Variants in RB1 observed in about 807,000 individuals in gnomAD.
The protein encoded by RB1 is retinoblastoma-associated protein.
RB1 carries 18 observed loss-of-function variants against 135.4 expected under a neutral mutation model. That is an observed-to-expected ratio of 0.13 (90% confidence interval 0.09 to 0.20). The LOEUF (loss-of-function observed/expected upper bound fraction) is 0.20, where lower values mean the gene tolerates loss of function less well. RB1 is among the 10% of genes least tolerant of loss of function. RB1 has a pLI of 1.00. For synonymous variants in RB1, 365 were observed against 373.2 expected (o/e 0.98, Z 0.25); for missense variants, 868 against 1,110.0 (o/e 0.78, Z 3.10).
intron 17 of RB1, among the ~76,000 whole-genome samples, chr13:48,403,926 G>T (rs1270761662): frequency 2.0e-5 from 3 of 152,104 alleles, no homozygotes. Context: ...GCTTGAGCCT[G>T]GGAAGTTGAG....
chr13:48,325,717 ATAAT>A (rs1952282120), intron 2 of RB1, among the ~76,000 whole-genome samples: 2 of 151,736 alleles, frequency 1.3e-5, no homozygotes, highest in Admixed American at 6.6e-5. Flanking sequence ...TGGGTATATC[ATAAT>A]TTATTTATGA....
At chr13:48,344,829 G>A (rs563582583) in intron 3 of RB1, among the ~76,000 whole-genome samples, 1 of 152,068 alleles carries the variant, frequency 6.6e-6, no homozygotes, top group Non-Finnish European at 1.5e-5. Context: ...ATAAATATAC[G>A]CATATCTCTT....
chr13:48,403,960 T>A (rs1948716225), intron 17 of RB1, among the ~76,000 whole-genome samples: 1 of 152,104 alleles, frequency 6.6e-6, no homozygotes, highest in South Asian at 2.1e-4. Flanking sequence ...GTGACTGCAC[T>A]ACTGCATTCC....
intron 2 of RB1, among the ~76,000 whole-genome samples, chr13:48,323,509 A>G (rs970633113): frequency 6.6e-6 from 1 of 151,690 alleles, no homozygotes; most frequent in Non-Finnish European, 1.5e-5. Flanking sequence ...TCTATTCTCT[A>G]AAAAATTTTG....
chr13:48,457,918 C>T (rs893672275), intron 19 of RB1, among the ~76,000 whole-genome samples: 2 of 152,204 alleles, frequency 1.3e-5, no homozygotes, highest in South Asian at 2.1e-4. Flanking sequence ...GTGCCTTCCC[C>T]GGCCCCCAAG....
At chr13:48,456,106 T>C in intron 18 of RB1, 98 bp from the exon 19 acceptor site, 2 of 1,555,660 alleles carry the variant, frequency 1.3e-6, no homozygotes, top group South Asian at 1.2e-5. Context: ...ACCAATTAAA[T>C]AGACAAGATG....
intron 19 of RB1, among the ~76,000 whole-genome samples, chr13:48,458,187 T>C (rs1165397110): frequency 6.6e-6 from 1 of 152,238 alleles, no homozygotes; most frequent in East Asian, 1.9e-4. Flanking sequence ...AGGTGTGATG[T>C]ACATACAAAA....
chr13:48,320,219 G>T, intron 2 of RB1: 1 of 1,036,302 alleles, frequency 9.6e-7, no homozygotes, highest in South Asian at 1.5e-5. Flanking sequence ...TGCTCCTTGT[G>T]CACGGTGGGC....
Position 48,341,362 on chromosome 13 carries a change from C to T in RB1, c.265-1237C>T, listed in dbSNP as rs1025248067. 2.0e-5 allele frequency: 3 copies of T among 151,742 alleles called. No homozygotes were observed. In the East Asian group the frequency reaches 5.8e-4, roughly 29 times the overall value. 9.4% of individuals were successfully genotyped at this position (151,742 alleles called of 1,614,324 possible). ...ATTTGGGTTGTTTGTAGTTTTTGGC[C>T]ATTATGACTGAAGCTGCTATGAACA... On this transcript the variant is annotated intron_variant, in intron 2 of 26. Coordinates refer to ENST00000267163, the MANE Select transcript of RB1 (RefSeq NM_000321.3).
At position 48,317,097 on chromosome 13, in the gene RB1, G is replaced by A. The variant is rs548635357; in HGVS notation, c.264+9691G>A. ...TGGCCAGGGCCCGCCGTCCTTCTTCGCCAGCAAGTGTGGGCTTCCAAAGAC... is the reference window on the plus strand; with the variant it reads ...TGGCCAGGGCCCGCCGTCCTTCTTCACCAGCAAGTGTGGGCTTCCAAAGAC... On this transcript the variant is annotated intron_variant, in intron 2 of 26. Coordinates refer to ENST00000267163, the MANE Select transcript of RB1 (RefSeq NM_000321.3). 2.5e-3 allele frequency: 2,213 copies of A among 900,714 alleles called. 9 individuals carry two copies. Among genetic ancestry groups the A allele is most frequent in the Non-Finnish European group, 3.0e-3 (1,989 of 656,730 alleles). The allele number at this position is 900,714 out of a possible 1,614,324, so 55.8% of individuals were successfully genotyped here.
intron 2 of RB1, among the ~76,000 whole-genome samples, chr13:48,337,716 G>A (rs1289878575): frequency 2.0e-5 from 3 of 152,174 alleles, no homozygotes; most frequent in Non-Finnish European, 4.4e-5. Flanking sequence ...ATTTGATCCT[G>A]TCATTATGAT....
At chr13:48,406,163 T>C (rs896256588) in intron 17 of RB1, among the ~76,000 whole-genome samples, 2 of 152,152 alleles carry the variant, frequency 1.3e-5, no homozygotes, top group South Asian at 4.1e-4. Context: ...GTCTTGAGGA[T>C]CAATACCTAG....
At position 48,382,147 on chromosome 13, in the gene RB1, T is replaced by C. The variant is rs1032338370; in HGVS notation, c.1695+704T>C. Among the ~76,000 whole-genome samples, 3 of 152,210 alleles carry C rather than the reference T, an allele frequency of 2.0e-5. No individual in the cohort carries two copies. The East Asian group carries it at 5.8e-4, about 29-fold the overall frequency. On this transcript the variant is annotated intron_variant, in intron 17 of 26. Coordinates refer to ENST00000267163, the MANE Select transcript of RB1 (RefSeq NM_000321.3). ...TGGGTTGCTTCCAAGTCTTTGCTAT[T>C]GTGAATAGTGCCACAATAAACATAC...
chr13:48,412,765 T>C, intron 17 of RB1: 1 of 328,986 alleles, frequency 3.0e-6, no homozygotes, highest in Non-Finnish European at 6.1e-6. Context: ...AGCTGTGATC[T>C]GTGACCAGAA....
intron 4 of RB1, among the ~76,000 whole-genome samples, chr13:48,346,738 T>C (rs562470696): frequency 7.4e-4 from 112 of 152,200 alleles, no homozygotes; most frequent in African/African-American, 2.6e-3. Flanking sequence ...ACTCTGATTA[T>C]GACTGTGTGT....
intron 17 of RB1, among the ~76,000 whole-genome samples, chr13:48,438,705 TG>T (rs1387179625): frequency 2.0e-5 from 3 of 152,204 alleles, no homozygotes; most frequent in Non-Finnish European, 4.4e-5. Context: ...ACTTATAAAA[TG>T]GCATTTAAAA....
At position 48,393,517 on chromosome 13, in the gene RB1, G is replaced by A. The variant is rs181263919; in HGVS notation, c.1695+12074G>A. ...TAAAAAGAATTCTTTTATTTATGTT[G>A]TTCAATTTTGTGGTTGTTTAAACGA... On this transcript the variant is annotated intron_variant, in intron 17 of 26. Transcript: ENST00000267163. Among the ~76,000 whole-genome samples the A allele has an allele frequency of 1.7e-3, 253 of 152,248 alleles. 1 individual carries two copies. Among genetic ancestry groups the A allele is most frequent in the African/African-American group, 5.8e-3 (242 of 41,552 alleles).
intron 17 of RB1, among the ~76,000 whole-genome samples, chr13:48,451,119 C>A (rs1048884693): frequency 6.6e-6 from 1 of 151,866 alleles, no homozygotes; most frequent in East Asian, 1.9e-4. Flanking sequence ...ATATGAATAT[C>A]TTTGTTTCTT....
At chr13:48,456,621 G>C (rs1483782193) in intron 19 of RB1, among the ~76,000 whole-genome samples, 1 of 152,164 alleles carries the variant, frequency 6.6e-6, no homozygotes, top group Non-Finnish European at 1.5e-5. Flanking sequence ...CCCTTGGTCT[G>C]ACAGGCTGCA....
Sources: gnomAD v4.1 joint callset for allele counts (sites outside exome capture counted in the v4.1 genomes callset) on GRCh38, gnomAD v4.1.1 for gene constraint, MANE v1.5 for transcripts, NCBI Gene and HGNC (gene_info 2026-07-23, HGNC 2026-07-21) for gene names.